USP35: variants seen among roughly 807,000 people sequenced by gnomAD.
USP35 encodes ubiquitin carboxyl-terminal hydrolase 35.
USP35 carries 69 observed loss-of-function variants against 83.8 expected under a neutral mutation model. The ratio of observed to expected loss-of-function variants is 0.82; its 90% CI spans 0.68 to 1.01. The LOEUF (loss-of-function observed/expected upper bound fraction) is 1.01, where lower values mean the gene tolerates loss of function less well. Ranked by LOEUF, USP35 falls within the 50% of genes least tolerant of loss-of-function variation. USP35 has a pLI of 0.00. For synonymous variants in USP35, 714 were observed against 589.5 expected (o/e 1.21, Z -3.06); for missense variants, 1,503 against 1,362.5 (o/e 1.10, Z -1.62).
chr11:78,204,491 T>C (rs1441865085), intron 6 of USP35, among the ~76,000 whole-genome samples: 1 of 152,208 alleles, frequency 6.6e-6, no homozygotes, highest in Non-Finnish European at 1.5e-5. Flanking sequence ...TCTTAAGTTA[T>C]TTTGAAGTTT....
chr11:78,205,784 G>A (rs142225904), intron 6 of USP35, 58 bp from the exon 7 acceptor site: 3 of 1,553,010 alleles, frequency 1.9e-6, no homozygotes, highest in Non-Finnish European at 2.6e-6. Flanking sequence ...AGAGGTGGTA[G>A]TTTTTTGAGC....
chr11:78,213,529 G>C, intron 10 of USP35, 117 bp from the exon 11 acceptor site: 1 of 1,216,450 alleles, frequency 8.2e-7, no homozygotes, highest in Non-Finnish European at 1.1e-6. Flanking sequence ...CAATGTCTCT[G>C]TGTGTCCAGG....
In USP35 at chr11:78,214,116, G is replaced by GATCTGA; in HGVS notation, c.*304_*309dup. The stretch of plus-strand genomic sequence containing the variant: ...CCCTAGCAGGCTCCCCATGCGGGAA[G>GATCTGA]ATCTGATGATGTTCAGGAAACAGGC... On this transcript the variant is annotated 3_prime_UTR_variant, in exon 11 of 11. Coordinates refer to ENST00000529308, the MANE Select transcript of USP35 (RefSeq NM_020798.4). The GATCTGA allele has an allele frequency of 3.3e-6, 1 of 300,758 alleles. No homozygotes were observed. Among genetic ancestry groups the GATCTGA allele is most frequent in the Non-Finnish European group, 6.1e-6 (1 of 164,134 alleles). The allele number at this position is 300,758 out of a possible 1,614,324, so 18.6% of individuals were successfully genotyped here. A position where few individuals can be genotyped will look rare whatever the true frequency, so the allele number is the denominator to read the frequency against.
downstream of USP35, chr11:78,218,310 C>G (rs1369849937): frequency 6.5e-6 from 1 of 153,140 alleles, no homozygotes; most frequent in African/African-American, 2.4e-5. Context: ...TCCCATATTC[C>G]CCACCCCTTT....
chr11:78,210,946 A>C (rs773008108), intron 10 of USP35, among the ~76,000 whole-genome samples: 1 of 152,152 alleles, frequency 6.6e-6, no homozygotes, highest in Non-Finnish European at 1.5e-5. Flanking sequence ...TGAATGACGC[A>C]GTTTATTTTT....
chr11:78,210,447 C>T lies in USP35; in HGVS notation c.2592C>T (p.Tyr864=), dbSNP rs771576272. The T allele has an allele frequency of 2.5e-6, 4 of 1,614,110 alleles. No homozygotes were observed. The highest frequency in any genetic ancestry group is 4.5e-5 in the East Asian group (2 of 44,898). The part of the protein sequence containing the change: ...SGVSSESGHY[Y]CYAREGAARP... ...TGTCTTCGGAGAGTGGTCACTACTA[C>T]TGCTATGCCCGTGAGGGCGCTGCCC... Residue 864 remains tyrosine (Y), a synonymous_variant, in exon 10 of 11, where the codon TAC becomes TAT. Coordinates refer to ENST00000529308, the MANE Select transcript of USP35 (RefSeq NM_020798.4).
In USP35 at chr11:78,214,414, G is replaced by A. The variant is rs1418178626; in HGVS notation, c.*601G>A. 1 of 141,690 alleles carries A rather than the reference G, an allele frequency of 7.1e-6. No individual in the cohort carries two copies. Among genetic ancestry groups the A allele is most frequent in the Non-Finnish European group, 1.5e-5 (1 of 65,250 alleles). The allele number at this position is 141,690 out of a possible 1,614,324, so 8.8% of individuals were successfully genotyped here. The stretch of plus-strand genomic sequence containing the variant: ...GCGGGGGGCTAGCTTCTCACAGCAG[G>A]AGGCCTTTGCCCCCACAGCCCCTCC... On this transcript the variant is annotated 3_prime_UTR_variant, in exon 11 of 11. Coordinates refer to ENST00000529308, the MANE Select transcript of USP35 (RefSeq NM_020798.4).
intron 10 of USP35, among the ~76,000 whole-genome samples, chr11:78,213,136 C>CTATG (rs1252540562): frequency 6.6e-6 from 1 of 152,244 alleles, no homozygotes; most frequent in African/African-American, 2.4e-5. Context: ...AGGACACAGC[C>CTATG]TATGTGCTGT....
the USP35 span, among the ~76,000 whole-genome samples, chr11:78,228,809 T>G: frequency 1.4e-5 from 2 of 147,820 alleles, no homozygotes; most frequent in South Asian, 2.2e-4. Context: ...CTTTAGATAA[T>G]GTAGTGCTTA....
the USP35 span, chr11:78,226,847 A>T: frequency 1.8e-5 from 29 of 1,613,820 alleles, 1 homozygote; most frequent in South Asian, 2.7e-4. Flanking sequence ...TGGTGTGGCC[A>T]TGGGAGGCCA....
At chr11:78,220,309 C>T in the USP35 span, 2 of 1,612,174 alleles carry the variant, frequency 1.2e-6, no homozygotes, top group Non-Finnish European at 1.7e-6. Context: ...CCCAACTCTA[C>T]TCCAGGCACC....
Position 78,209,643 on chromosome 11 carries a change from C to G in USP35, c.1788C>G (p.Leu596=). Residue 596 remains leucine (L), a synonymous_variant, in exon 10 of 11, where the codon CTC becomes CTG. Coordinates refer to ENST00000529308, the MANE Select transcript of USP35 (RefSeq NM_020798.4). Reference sequence around the variant, plus strand: ...CCCGGGAGGAGGCCTTCACGGACCTCTCTCTCGCCTTCCCTCCTCCTGAGC... The same window carrying G: ...CCCGGGAGGAGGCCTTCACGGACCTGTCTCTCGCCTTCCCTCCTCCTGAGC... ...VSSREEAFTD[L]SLAFPPPERC... is the part of the protein sequence containing the mutation. 1.2e-6 allele frequency: 2 copies of G among 1,614,124 alleles called. No homozygotes were observed. Among genetic ancestry groups the G allele is most frequent in the Non-Finnish European group, 1.7e-6 (2 of 1,179,986 alleles).
In USP35 at chr11:78,214,234, A is replaced by AGG. The variant is rs1555090054; in HGVS notation, c.*424_*425dup. On this transcript the variant is annotated 3_prime_UTR_variant, in exon 11 of 11. Transcript: ENST00000529308. ...ACAGCAGGATCCAAGCCTTGCACAAAGGGGTGGGGGGGGCAGTGTCTCCTC... is the reference window on the plus strand; with the variant it reads ...ACAGCAGGATCCAAGCCTTGCACAAAGGGGGGTGGGGGGGGCAGTGTCTCCTC... The AGG allele has an allele frequency of 3.1e-5, 3 of 96,198 alleles. No individual in the cohort carries two copies. Among genetic ancestry groups the AGG allele is most frequent in the African/African-American group, 1.5e-4 (3 of 19,630 alleles). 6.0% of individuals were successfully genotyped at this position (96,198 alleles called of 1,614,324 possible).
chr11:78,189,818 CT>C (rs946924006), intron 1 of USP35, among the ~76,000 whole-genome samples: 9 of 152,218 alleles, frequency 5.9e-5, no homozygotes, highest in Admixed American at 2.6e-4. Context: ...CAGTGAAACC[CT>C]TTTTTCTTTT....
At chr11:78,220,335 G>C in the USP35 span, 2 of 1,612,626 alleles carry the variant, frequency 1.2e-6, no homozygotes, top group Non-Finnish European at 1.7e-6. Flanking sequence ...GTGGGGGCTT[G>C]GGGAGCTCGG....
In USP35 at chr11:78,208,973, C is replaced by A. The variant is rs775713064; in HGVS notation, c.1592+10C>A. ...AGTACCTGCTGGATCGGTAAGGGGGCCAGGGCTACGCGAAGACTCCAGGTC... is the reference window on the plus strand; with the variant it reads ...AGTACCTGCTGGATCGGTAAGGGGGACAGGGCTACGCGAAGACTCCAGGTC... On this transcript the variant is annotated intron_variant, in intron 9 of 10. Transcript: ENST00000529308. 1.9e-6 allele frequency: 3 copies of A among 1,613,182 alleles called. No homozygotes were observed. The highest frequency in any genetic ancestry group is 2.5e-6 in the Non-Finnish European group (3 of 1,179,290).
chr11:78,194,275 C>T (rs370143356), intron 1 of USP35, among the ~76,000 whole-genome samples: 54 of 152,250 alleles, frequency 3.5e-4, no homozygotes, highest in East Asian at 1.5e-3. Context: ...CCCTTTGTAT[C>T]GTAACACGTG....
At chr11:78,217,851 T>C (rs961123214), downstream of USP35, 3 of 152,254 alleles carry the variant, frequency 2.0e-5, no homozygotes, top group African/African-American at 7.2e-5. Context: ...CCCTGCGATC[T>C]GACATACGCC....
At chr11:78,236,612 T>C in the USP35 span, among the ~76,000 whole-genome samples, 4 of 152,208 alleles carry the variant, frequency 2.6e-5, no homozygotes, top group Non-Finnish European at 5.9e-5. Flanking sequence ...TCCTTAGAAG[T>C]CCTTTATCAG....
Sources: allele counts gnomAD v4.1 joint callset (sites outside exome capture counted in the v4.1 genomes callset), GRCh38; gene constraint gnomAD v4.1.1; transcripts MANE v1.5; gene names NCBI Gene and HGNC (gene_info 2026-07-23, HGNC 2026-07-21).